The following NRCAM variants were observed in gnomAD, a reference collection of about 807,000 sequenced individuals.
The protein encoded by NRCAM is NgCAM-related cell adhesion molecule.
A neutral mutation model predicts 156.5 loss-of-function variants in NRCAM; 83 were observed. The observed-to-expected ratio is 0.53, with a 90% CI of 0.44 to 0.64. The LOEUF is 0.64. NRCAM is among the 30% of genes least tolerant of loss of function. The probability of loss-of-function intolerance (pLI) is 0.00; values close to 1 mark genes in which losing one functional copy is unlikely to be tolerated. For missense variants in NRCAM, 1,417 were observed against 1,597.3 expected, an observed-to-expected ratio of 0.89 and a Z score of 1.92; for synonymous variants, 538 against 563.9, an observed-to-expected ratio of 0.95 and a Z score of 0.65.
chr7:108,392,132 T>G (rs2099762323), intron 2 of NRCAM, among the ~76,000 whole-genome samples: 1 of 152,216 alleles, frequency 6.6e-6, no homozygotes, highest in South Asian at 2.1e-4. Context: ...CCTTGCTATG[T>G]TGGGGAAGTT....
intron 15 of NRCAM, 32 bp from the exon 16 acceptor site, chr7:108,194,460 A>C: frequency 6.8e-7 from 1 of 1,463,748 alleles, no homozygotes; most frequent in Non-Finnish European, 9.3e-7. Flanking sequence ...AATGAGAATA[A>C]AAACACATTA....
At chr7:108,342,610 G>C (rs886149346) in intron 2 of NRCAM, among the ~76,000 whole-genome samples, 2 of 152,202 alleles carry the variant, frequency 1.3e-5, no homozygotes, top group Admixed American at 1.3e-4. Context: ...AACGGGGCAA[G>C]ACTTTCCTTT....
intron 1 of NRCAM, among the ~76,000 whole-genome samples, chr7:108,443,623 G>C (rs1841061827): frequency 6.6e-6 from 1 of 152,198 alleles, no homozygotes; most frequent in African/African-American, 2.4e-5. Flanking sequence ...GGCACCTGTA[G>C]AGACTTAAAC....
At chr7:108,247,116 C>T (rs2095992679) in intron 3 of NRCAM, among the ~76,000 whole-genome samples, 2 of 152,168 alleles carry the variant, frequency 1.3e-5, no homozygotes, top group Admixed American at 1.3e-4. Flanking sequence ...CCAAAAATAG[C>T]TGAGCCAGTG....
chr7:108,409,649 G>A (rs1428939357), intron 1 of NRCAM, among the ~76,000 whole-genome samples: 1 of 152,234 alleles, frequency 6.6e-6, no homozygotes, highest in Non-Finnish European at 1.5e-5. Flanking sequence ...GGAGGAGCAT[G>A]ATGGCTTCCC....
chr7:108,234,508 CCAAA>C, intron 6 of NRCAM, 71 bp downstream of exon 6: 1 of 952,864 alleles, frequency 1.0e-6, no homozygotes, highest in Non-Finnish European at 1.7e-6. Context: ...ATGGAAATTC[CCAAA>C]CATATTTCTC....
intron 2 of NRCAM, among the ~76,000 whole-genome samples, chr7:108,360,047 A>C (rs565451854): frequency 1.5e-4 from 23 of 152,322 alleles, no homozygotes; most frequent in African/African-American, 4.8e-4. Flanking sequence ...AGGAAAAATA[A>C]TATGATTATA....
rs1278447945 is a variant in NRCAM at position 108,191,790 on chromosome 7, G to A, written c.1842C>T (p.Tyr614=). 6.2e-7 allele frequency: 1 copy of A among 1,613,990 alleles called. No individual in the cohort carries two copies. Among genetic ancestry groups the A allele is most frequent in the African/African-American group, 1.3e-5 (1 of 75,062 alleles). ...CCAGAGTGGTGTTGGCCACACACGT[G>A]TAGGTCCCGCTGTCATCGTCACTGA... is the stretch of plus-strand genomic sequence containing the variant. ...ADVSDDDSGT[Y]TCVANTTLDS... The change falls in exon 18 of 33, where the codon TAC becomes TAT. Residue 614 remains tyrosine, a synonymous_variant. Coordinates refer to ENST00000379028, the MANE Select transcript of NRCAM (RefSeq NM_001037132.4).
chr7:108,290,187 G>A (rs147987531), intron 3 of NRCAM, among the ~76,000 whole-genome samples: 17 of 152,256 alleles, frequency 1.1e-4, no homozygotes, highest in Admixed American at 3.3e-4. Context: ...GTCATGAGAC[G>A]TGCATCCTTT....
chr7:108,376,948 T>G (rs1320454621), intron 2 of NRCAM, among the ~76,000 whole-genome samples: 2 of 152,176 alleles, frequency 1.3e-5, no homozygotes, highest in Non-Finnish European at 2.9e-5. Flanking sequence ...GCAGATTACT[T>G]GAGCCCAGGA....
intron 32 of NRCAM, among the ~76,000 whole-genome samples, chr7:108,151,750 A>G (rs2041793076): frequency 6.6e-6 from 1 of 152,176 alleles, no homozygotes; most frequent in Non-Finnish European, 1.5e-5. Flanking sequence ...AGCCTACACA[A>G]CATCTCTGGG....
At chr7:108,350,372 A>G (rs760407053) in intron 2 of NRCAM, among the ~76,000 whole-genome samples, 28 of 152,160 alleles carry the variant, frequency 1.8e-4, no homozygotes, top group Admixed American at 2.6e-4. Context: ...CTCTTTACTC[A>G]TCAGGTTTTC....
At chr7:108,440,981 T>A (rs1344382969) in intron 1 of NRCAM, among the ~76,000 whole-genome samples, 1 of 152,192 alleles carries the variant, frequency 6.6e-6, no homozygotes, top group Non-Finnish European at 1.5e-5. Context: ...CTGGACACCA[T>A]GAAGCACTGC....
chr7:108,168,300 TA>T lies in NRCAM; in HGVS notation c.3289del (p.Tyr1097MetfsTer6). ...ACTGCCTGCTACACCATATTCAACA[TA>T]AAAGTTCACATGCTCTGGTCCCTCA... ...EYEGPEHVNF[Y>X]VEYGVAGSKE... On this transcript the variant is annotated frameshift_variant, in exon 29 of 33. Coordinates refer to ENST00000379028, the MANE Select transcript of NRCAM (RefSeq NM_001037132.4). LOFTEE classifies it high-confidence loss of function. The T allele has an allele frequency of 6.3e-7, 1 of 1,597,806 alleles. No homozygotes were observed. The highest frequency in any genetic ancestry group is 8.5e-7 in the Non-Finnish European group (1 of 1,173,328).
intron 3 of NRCAM, among the ~76,000 whole-genome samples, chr7:108,295,969 G>A (rs541241368): frequency 1.3e-5 from 2 of 152,302 alleles, no homozygotes; most frequent in Admixed American, 1.3e-4. Flanking sequence ...CATTTGAAAA[G>A]GGCTTCACTG....
intron 3 of NRCAM, among the ~76,000 whole-genome samples, chr7:108,254,179 C>T (rs141540338): frequency 9.9e-5 from 15 of 152,048 alleles, no homozygotes; most frequent in Non-Finnish European, 2.1e-4. Flanking sequence ...AAGAAACCAA[C>T]AAGAAAATGC....
At chr7:108,394,913 A>G (rs2099772613) in intron 2 of NRCAM, among the ~76,000 whole-genome samples, 1 of 152,202 alleles carries the variant, frequency 6.6e-6, no homozygotes, top group African/African-American at 2.4e-5. Flanking sequence ...TGTGAAGAGG[A>G]AGTTGTTTTA....
chr7:108,226,174 A>G, intron 9 of NRCAM, 34 bp downstream of exon 9: 6 of 1,482,436 alleles, frequency 4.0e-6, no homozygotes, highest in Non-Finnish European at 4.6e-6. Flanking sequence ...TGTAAATGTC[A>G]TTGAAGGGGA....
chr7:108,441,571 T>A (rs540992871), intron 1 of NRCAM, among the ~76,000 whole-genome samples: 2 of 152,254 alleles, frequency 1.3e-5, no homozygotes, highest in African/African-American at 4.8e-5. Flanking sequence ...TTATATATCA[T>A]AGTAGGATGA....
Sources: allele counts gnomAD v4.1 joint callset (sites outside exome capture counted in the v4.1 genomes callset), GRCh38; gene constraint gnomAD v4.1.1; transcripts MANE v1.5; gene names NCBI Gene and HGNC (gene_info 2026-07-23, HGNC 2026-07-21).